PHF21A: variants seen among roughly 807,000 people sequenced by gnomAD.
PHF21A encodes PHD finger protein 21A.
In PHF21A, 11 loss-of-function variants were observed where a neutral mutation model predicts 82.5. The observed-to-expected ratio is 0.13, with a 90% CI of 0.08 to 0.22. The LOEUF (loss-of-function observed/expected upper bound fraction) is 0.22. Among genes scored for constraint, PHF21A ranks in the 10% least tolerant of loss-of-function variants. The pLI, the probability that PHF21A is intolerant of heterozygous loss-of-function variation, is 1.00. For synonymous variants in PHF21A, 297 were observed against 302.8 expected (o/e 0.98, Z 0.20); for missense variants, 579 against 837.8 (o/e 0.69, Z 3.81).
chr11:46,017,263 G>A (rs1299210157), intron 6 of PHF21A, among the ~76,000 whole-genome samples: 2 of 152,164 alleles, frequency 1.3e-5, no homozygotes, highest in East Asian at 1.9e-4. Flanking sequence ...GAGCCACCAC[G>A]CCCGGCCTAC....
At chr11:45,964,099 A>G (rs901305125) in intron 10 of PHF21A, among the ~76,000 whole-genome samples, 1 of 151,684 alleles carries the variant, frequency 6.6e-6, no homozygotes, top group East Asian at 1.9e-4. Flanking sequence ...CAGGAGGCTG[A>G]GGCAAGGAGA....
chr11:45,969,756 G>T, intron 9 of PHF21A, 59 bp downstream of exon 9: 1 of 1,140,162 alleles, frequency 8.8e-7, no homozygotes, highest in Non-Finnish European at 1.3e-6. Context: ...CTTAGAAAGA[G>T]CCCATGAGGA....
intron 6 of PHF21A, among the ~76,000 whole-genome samples, chr11:46,063,183 G>A (rs1468305705): frequency 3.3e-5 from 5 of 152,128 alleles, no homozygotes; most frequent in African/African-American, 4.8e-5. Context: ...TGAATTCGCC[G>A]GGGGGGCTGG....
Position 45,943,312 on chromosome 11 carries a change from G to A in PHF21A, c.1452+2528C>T, listed in dbSNP as rs191004519. 1.6e-4 allele frequency among the ~76,000 whole-genome samples: 25 copies of A among 151,766 alleles called. No individual in the cohort carries two copies. In the Middle Eastern group the frequency reaches 0.014, roughly 83 times the overall value. On this transcript the variant is annotated intron_variant, in intron 15 of 18. Transcript: ENST00000676320. ...TAATTTTTGTATATTTAGTAGAGAC[G>A]GGGTTTCACTATATTGCCATCACAC... is the stretch of plus-strand genomic sequence containing the variant.
At chr11:45,971,890 C>CTTTTTTTTTTTTTTTTTTTTTTTTT (rs377734291) in intron 7 of PHF21A, among the ~76,000 whole-genome samples, 6 of 50,288 alleles carry the variant, frequency 1.2e-4, no homozygotes, top group Non-Finnish European at 1.9e-4. Flanking sequence ...CTTTTTCTTT[C>CTTTTTTTTTTTTTTTTTTTTTTTTT]TTTTTTTTTT....
chr11:46,071,264 A>G (rs1015090597), intron 6 of PHF21A, among the ~76,000 whole-genome samples: 2 of 152,208 alleles, frequency 1.3e-5, no homozygotes, highest in African/African-American at 4.8e-5. Context: ...AATACGCCCC[A>G]GGTAGCTGCT....
At position 45,935,614 on chromosome 11, in the gene PHF21A, T is replaced by C. The variant is rs772068987; in HGVS notation, c.1788+22A>G. The C allele has an allele frequency of 1.4e-5, 15 of 1,102,068 alleles. No homozygotes were observed. The South Asian group carries it at 1.7e-4, about 13-fold the overall frequency. The allele number at this position is 1,102,068 out of a possible 1,614,324, so 68.3% of individuals were successfully genotyped here. A position where few individuals can be genotyped will look rare whatever the true frequency, so the allele number is the denominator to read the frequency against. On this transcript the variant is annotated intron_variant, in intron 18 of 18. Coordinates refer to ENST00000676320, the MANE Select transcript of PHF21A (RefSeq NM_001352027.3). ...GTCTCTGCACCTATGTATCGACTGC[T>C]GAAGGCATGAGGTTTACTTACACTT... is the stretch of plus-strand genomic sequence containing the variant.
At chr11:46,078,344 ACT>A (rs2096752172) in intron 5 of PHF21A, among the ~76,000 whole-genome samples, 2 of 152,210 alleles carry the variant, frequency 1.3e-5, no homozygotes, top group Admixed American at 1.3e-4. Context: ...GCCTGTATGT[ACT>A]GTTTATCAAC....
intron 1 of PHF21A, chr11:46,119,669 T>A (rs1852454061): frequency 6.6e-6 from 1 of 150,598 alleles, no homozygotes; most frequent in Admixed American, 6.6e-5. Context: ...TCTCCTCCGG[T>A]GCCCAATCTC....
intron 6 of PHF21A, among the ~76,000 whole-genome samples, chr11:46,031,660 T>A (rs2095868761): frequency 6.6e-6 from 1 of 152,254 alleles, no homozygotes; most frequent in East Asian, 1.9e-4. Flanking sequence ...CTCTTTAGAT[T>A]AATAGGCGCT....
intron 15 of PHF21A, among the ~76,000 whole-genome samples, chr11:45,943,451 A>T (rs181924410): frequency 9.9e-5 from 15 of 152,076 alleles, no homozygotes; most frequent in African/African-American, 3.4e-4. Context: ...AAGTGTTGGG[A>T]TTTACAGGCG....
intron 7 of PHF21A, among the ~76,000 whole-genome samples, chr11:45,979,426 T>G (rs2136276527): frequency 6.6e-6 from 1 of 152,290 alleles, no homozygotes; most frequent in Admixed American, 6.5e-5. Context: ...GTCACAAACT[T>G]TTAGAACAAG....
In PHF21A at chr11:45,931,918, C is replaced by T. The variant is rs1391179774; in HGVS notation, c.*2050G>A. 1 of 152,300 alleles carries T rather than the reference C, an allele frequency of 6.6e-6. No individual in the cohort carries two copies. The highest frequency in any genetic ancestry group is 1.5e-5 in the Non-Finnish European group (1 of 68,092). The allele number at this position is 152,300 out of a possible 1,614,324, so 9.4% of individuals were successfully genotyped here. ...AAGGAGAGGCCACAACCGGCCAAGC[C>T]GAGGCAAGCGCAGCAATTCTAGCCC... is the stretch of plus-strand genomic sequence containing the variant. On this transcript the variant is annotated 3_prime_UTR_variant, in exon 19 of 19. Transcript: ENST00000676320.
intron 1 of PHF21A, among the ~76,000 whole-genome samples, chr11:46,107,207 T>C (rs2097161615): frequency 6.6e-6 from 1 of 152,220 alleles, no homozygotes; most frequent in Non-Finnish European, 1.5e-5. Context: ...TAGACTATCA[T>C]ACATTTAACT....
At chr11:45,958,417 A>AAAAAAAT (rs2092827892) in intron 10 of PHF21A, among the ~76,000 whole-genome samples, 1 of 20,796 alleles carries the variant, frequency 4.8e-5, no homozygotes, top group Non-Finnish European at 1.0e-4. Context: ...AAAAAAAAAA[A>AAAAAAAT]AAATATATAT....
At chr11:45,957,693 C>G (rs1049123856) in intron 10 of PHF21A, among the ~76,000 whole-genome samples, 1 of 139,346 alleles carries the variant, frequency 7.2e-6, no homozygotes, top group African/African-American at 2.7e-5. Flanking sequence ...GAAGAAAGAG[C>G]TCAAATCAAT....
rs143011014 is a variant in PHF21A, at chr11:46,085,348, G to A, written c.-83-1046C>T. On this transcript the variant is annotated intron_variant, in intron 3 of 18. Coordinates refer to ENST00000676320, the MANE Select transcript of PHF21A (RefSeq NM_001352027.3). ...TTGACTATACATATAATGGCATGTG[G>A]AGATAATGTCAAAAGTCTAAATCTG... Among the ~76,000 whole-genome samples, 411 of 152,206 alleles carry A rather than the reference G, an allele frequency of 2.7e-3. 1 individual carries two copies. Among genetic ancestry groups the A allele is most frequent in the African/African-American group, 9.1e-3 (380 of 41,552 alleles).
intron 5 of PHF21A, among the ~76,000 whole-genome samples, chr11:46,077,537 G>A (rs1339892778): frequency 2.6e-5 from 4 of 152,240 alleles, no homozygotes; most frequent in African/African-American, 9.6e-5. Flanking sequence ...CCACCCTAAT[G>A]AGAGACTGCT....
chr11:46,083,765 C>G (rs997246081), intron 4 of PHF21A, among the ~76,000 whole-genome samples: 1 of 152,084 alleles, frequency 6.6e-6, no homozygotes, highest in African/African-American at 2.4e-5. Context: ...TTGGAATCAA[C>G]GCATAAAGCT....
Sources: allele counts gnomAD v4.1 joint callset (sites outside exome capture counted in the v4.1 genomes callset), GRCh38; gene constraint gnomAD v4.1.1; transcripts MANE v1.5; gene names NCBI Gene and HGNC (gene_info 2026-07-23, HGNC 2026-07-21).